Variants in KLHL2 observed in about 807,000 individuals in gnomAD.
KLHL2 encodes kelch-like protein 2.
In KLHL2, 15 loss-of-function variants were observed where a neutral mutation model predicts 75.8. The observed-to-expected ratio is 0.20, with a 90% confidence interval of 0.13 to 0.30. KLHL2 has a LOEUF of 0.30. KLHL2 is among the 10% of genes least tolerant of loss of function. The probability of loss-of-function intolerance (pLI) is 1.00; values close to 1 mark genes in which losing one functional copy is unlikely to be tolerated. For missense variants in KLHL2, 381 were observed against 741.0 expected, an observed-to-expected ratio of 0.51 and a Z score of 5.64; for synonymous variants, 214 against 251.9, an observed-to-expected ratio of 0.85 and a Z score of 1.42.
At position 165,239,882 on chromosome 4, in the gene KLHL2, C is replaced by T. The variant is rs530781327; in HGVS notation, c.381+983C>T. ...CACAAACGTACACACAATTTTTTTA[C>T]ATAAGAAATACTATACTTGTTCTGA... On this transcript the variant is annotated intron_variant, in intron 4 of 14. Transcript: ENST00000226725. Among the ~76,000 whole-genome samples the T allele has an allele frequency of 9.9e-5, 15 of 151,820 alleles. No homozygotes were observed. The South Asian group carries it at 2.5e-3, about 25-fold the overall frequency.
chr4:165,299,511 T>C lies in KLHL2; in HGVS notation c.776T>C (p.Val259Ala), dbSNP rs1445843188. The change falls in exon 8 of 15, where the codon GTT becomes GCT. Residue 259 changes from valine (V) to alanine (A), a missense_variant. This residue lies in a region of KLHL2 where 111 missense variants were observed against 150.1 expected (regional missense o/e 0.74). Coordinates refer to ENST00000226725, the MANE Select transcript of KLHL2 (RefSeq NM_007246.4). The stretch of plus-strand genomic sequence containing the variant: ...GTGTCTGATTTCTTGTTACAGAGGG[T>C]TGAAGAGGAAGCATTGGTCAAGAAT... The part of the protein sequence containing the change: ...LLPREYLVQR[V>A]EEEALVKNSS... 6.2e-7 allele frequency: 1 copy of C among 1,609,706 alleles called. No homozygotes were observed. The highest frequency in any genetic ancestry group is 8.5e-7 in the Non-Finnish European group (1 of 1,178,040).
chr4:165,298,056 C>G (rs1158093157), intron 7 of KLHL2, among the ~76,000 whole-genome samples: 2 of 152,190 alleles, frequency 1.3e-5, no homozygotes, highest in African/African-American at 4.8e-5. Flanking sequence ...CTCCTGACCT[C>G]AAGTGATCTA....
intron 6 of KLHL2, among the ~76,000 whole-genome samples, chr4:165,296,093 C>G (rs1560815357): frequency 6.6e-6 from 1 of 152,234 alleles, no homozygotes; most frequent in African/African-American, 2.4e-5. Flanking sequence ...CAGCTTGTCT[C>G]TGCTCCACAG....
At chr4:165,227,345 T>C (rs1408969780) in intron 2 of KLHL2, among the ~76,000 whole-genome samples, 4 of 152,068 alleles carry the variant, frequency 2.6e-5, no homozygotes, top group Non-Finnish European at 2.9e-5. Context: ...TCTCCTAAAC[T>C]GGAAGGAGAA....
intron 1 of KLHL2, among the ~76,000 whole-genome samples, chr4:165,210,988 A>T (rs1737163553): frequency 6.6e-6 from 1 of 152,150 alleles, no homozygotes; most frequent in Non-Finnish European, 1.5e-5. Context: ...AACATCCCTC[A>T]GATAGAACCA....
At chr4:165,316,095 A>G (rs1746568773) in intron 13 of KLHL2, among the ~76,000 whole-genome samples, 2 of 152,344 alleles carry the variant, frequency 1.3e-5, no homozygotes, top group South Asian at 4.1e-4. Context: ...TTTGGCTCCT[A>G]TCGCCTAAAA....
intron 5 of KLHL2, chr4:165,279,085 T>C: frequency 6.4e-7 from 1 of 1,558,164 alleles, no homozygotes; most frequent in Non-Finnish European, 8.9e-7. Context: ...TGACGCCTCC[T>C]GTCAAACTCC....
At chr4:165,256,562 A>G (rs750270135) in intron 4 of KLHL2, among the ~76,000 whole-genome samples, 1 of 152,222 alleles carries the variant, frequency 6.6e-6, no homozygotes, top group African/African-American at 2.4e-5. Context: ...AGTGGTGGGT[A>G]ATATTTCCCG....
At chr4:165,278,834 T>G (rs769904071) in intron 5 of KLHL2, 6 of 1,541,824 alleles carry the variant, frequency 3.9e-6, no homozygotes. Flanking sequence ...TTGTCCAATC[T>G]GGAAGCACAT....
At chr4:165,288,695 CAG>C (rs1744274580) in intron 5 of KLHL2, among the ~76,000 whole-genome samples, 1 of 152,028 alleles carries the variant, frequency 6.6e-6, no homozygotes, top group Non-Finnish European at 1.5e-5. Flanking sequence ...GTGAATAACT[CAG>C]AGTGTGTCAT....
intron 5 of KLHL2, among the ~76,000 whole-genome samples, chr4:165,282,338 CG>C (rs946351465): frequency 2.0e-5 from 3 of 152,090 alleles, no homozygotes; most frequent in Admixed American, 2.0e-4. Flanking sequence ...TTCACTGAAA[CG>C]GAAGAATTTT....
At chr4:165,314,421 T>C (rs1746451578) in intron 13 of KLHL2, among the ~76,000 whole-genome samples, 2 of 152,184 alleles carry the variant, frequency 1.3e-5, no homozygotes, top group Admixed American at 6.5e-5. Context: ...CTGCTACTTT[T>C]TGGTGATAAA....
intron 4 of KLHL2, among the ~76,000 whole-genome samples, chr4:165,256,607 C>T (rs994031541): frequency 2.6e-5 from 4 of 152,178 alleles, no homozygotes; most frequent in Non-Finnish European, 4.4e-5. Flanking sequence ...TCCCCTTAAC[C>T]CTTGTTATAT....
intron 4 of KLHL2, among the ~76,000 whole-genome samples, chr4:165,249,999 C>T (rs1740566391): frequency 6.6e-6 from 1 of 152,032 alleles, no homozygotes; most frequent in South Asian, 2.1e-4. Context: ...TGGCGGGCGC[C>T]TGTGGTCCCA....
intron 4 of KLHL2, among the ~76,000 whole-genome samples, chr4:165,241,254 C>T (rs1739795597): frequency 1.3e-5 from 2 of 152,120 alleles, no homozygotes; most frequent in Non-Finnish European, 2.9e-5. Flanking sequence ...AAAGTAGCTA[C>T]TTTTTCCATA....
chr4:165,282,489 C>A (rs1213782283), intron 5 of KLHL2, among the ~76,000 whole-genome samples: 1 of 152,090 alleles, frequency 6.6e-6, no homozygotes, highest in Non-Finnish European at 1.5e-5. Flanking sequence ...CTGTTCTGTT[C>A]TGTCCAGATC....
intron 4 of KLHL2, among the ~76,000 whole-genome samples, chr4:165,258,986 C>A (rs899480646): frequency 6.6e-6 from 1 of 152,100 alleles, no homozygotes; most frequent in African/African-American, 2.4e-5. Context: ...TTTTTCTCTA[C>A]AGTGAGTCAA....
chr4:165,263,450 T>C, intron 5 of KLHL2, 91 bp downstream of exon 5: 1 of 1,546,288 alleles, frequency 6.5e-7, no homozygotes, highest in East Asian at 2.3e-5. Flanking sequence ...CATGTCATAT[T>C]TCTGGATCTG....
At chr4:165,267,335 C>T (rs1742318334) in intron 5 of KLHL2, among the ~76,000 whole-genome samples, 1 of 152,208 alleles carries the variant, frequency 6.6e-6, no homozygotes. Context: ...CTAGCCAGAA[C>T]TTCCAACACT....
Sources: allele counts gnomAD v4.1 joint callset (sites outside exome capture counted in the v4.1 genomes callset), GRCh38; gene constraint gnomAD v4.1.1; regional missense constraint gnomAD v4.1.1; transcripts MANE v1.5; gene names NCBI Gene and HGNC (gene_info 2026-07-23, HGNC 2026-07-21).